Variants in ST8SIA4 observed in about 807,000 individuals in gnomAD.
The protein encoded by ST8SIA4 is CMP-N-acetylneuraminate-poly-alpha-2,8-sialyltransferase.
A neutral mutation model predicts 33.9 loss-of-function variants in ST8SIA4; 15 were observed. The ratio of observed to expected loss-of-function variants is 0.44; its 90% CI spans 0.30 to 0.68. The LOEUF (loss-of-function observed/expected upper bound fraction) is 0.68, where lower values mean the gene tolerates loss of function less well. ST8SIA4 is among the 30% of genes least tolerant of loss of function. The probability of loss-of-function intolerance (pLI) is 0.10; values close to 1 mark genes in which losing one functional copy is unlikely to be tolerated. For synonymous variants in ST8SIA4, 171 were observed against 151.2 expected, an observed-to-expected ratio of 1.13 and a Z score of -0.96; for missense variants, 321 against 428.0, an observed-to-expected ratio of 0.75 and a Z score of 2.21.
intron 3 of ST8SIA4, among the ~76,000 whole-genome samples, chr5:100,866,143 C>T (rs1752055527): frequency 6.6e-6 from 1 of 152,048 alleles, no homozygotes; most frequent in South Asian, 2.1e-4. Context: ...GTCTTGTATT[C>T]ATTGACACAA....
chr5:100,818,270 T>C (rs1348148986), intron 4 of ST8SIA4, among the ~76,000 whole-genome samples: 1 of 152,164 alleles, frequency 6.6e-6, no homozygotes, highest in East Asian at 1.9e-4. Flanking sequence ...ATGGAGTTAA[T>C]AGGTGGAAAA....
At chr5:100,832,841 A>G (rs1265880898) in intron 4 of ST8SIA4, among the ~76,000 whole-genome samples, 1 of 151,944 alleles carries the variant, frequency 6.6e-6, no homozygotes, top group Non-Finnish European at 1.5e-5. Flanking sequence ...CTTTCCCTCT[A>G]TGTGTCAAGT....
intron 3 of ST8SIA4, among the ~76,000 whole-genome samples, chr5:100,864,438 G>A (rs1181771305): frequency 1.3e-5 from 2 of 151,888 alleles, no homozygotes; most frequent in Admixed American, 6.6e-5. Flanking sequence ...AGCTGGGCAT[G>A]GTGGCGGGCG....
chr5:100,886,293 TA>T (rs1357018898), intron 3 of ST8SIA4, 49 bp downstream of exon 3: 1 of 1,581,918 alleles, frequency 6.3e-7, no homozygotes, highest in Admixed American at 1.8e-5. Context: ...CACCCCCAAG[TA>T]AAATATCTTT....
intron 4 of ST8SIA4, among the ~76,000 whole-genome samples, chr5:100,821,680 A>C (rs1394285843): frequency 1.3e-5 from 2 of 152,232 alleles, no homozygotes. Context: ...AAGTACACTA[A>C]CTAAACATCA....
At chr5:100,857,033 G>A (rs768835851) in intron 3 of ST8SIA4, among the ~76,000 whole-genome samples, 1 of 152,074 alleles carries the variant, frequency 6.6e-6, no homozygotes, top group Non-Finnish European at 1.5e-5. Context: ...AAGTAATATA[G>A]AAAAGCTCTT....
At chr5:100,823,219 C>T (rs1183274733) in intron 4 of ST8SIA4, among the ~76,000 whole-genome samples, 1 of 152,198 alleles carries the variant, frequency 6.6e-6, no homozygotes, top group East Asian at 1.9e-4. Context: ...ATTCTCACTG[C>T]TACACTCCCA....
intron 4 of ST8SIA4, among the ~76,000 whole-genome samples, chr5:100,820,832 A>C (rs1294758919): frequency 6.6e-6 from 1 of 152,164 alleles, no homozygotes; most frequent in Non-Finnish European, 1.5e-5. Flanking sequence ...ATTTAGTAAA[A>C]TATCTTTTGG....
At chr5:100,902,722 T>C (rs1345741577) in intron 1 of ST8SIA4, 121 bp downstream of exon 1, 1 of 855,856 alleles carries the variant, frequency 1.2e-6, no homozygotes, top group Non-Finnish European at 1.9e-6. Flanking sequence ...TTCATGACAC[T>C]AACCACGCGC....
At chr5:100,887,637 G>C (rs983390847) in intron 2 of ST8SIA4, among the ~76,000 whole-genome samples, 1 of 151,932 alleles carries the variant, frequency 6.6e-6, no homozygotes, top group South Asian at 2.1e-4. Flanking sequence ...TATATAGCTG[G>C]CTGGAAAACT....
intron 1 of ST8SIA4, among the ~76,000 whole-genome samples, chr5:100,898,274 C>T (rs561557332): frequency 6.6e-6 from 1 of 152,224 alleles, no homozygotes; most frequent in East Asian, 1.9e-4. Context: ...GCCTGGGTAA[C>T]ATCACAAGTC....
In ST8SIA4 at chr5:100,902,830, G is replaced by C; in HGVS notation, c.113+13C>G. The stretch of plus-strand genomic sequence containing the variant: ...ACTTTTTGTCATATCCTGAAATGAA[G>C]CTTTGCATTTACCCGATGAGTTGCG... On this transcript the variant is annotated intron_variant, in intron 1 of 4. Transcript: ENST00000231461. 6.3e-7 allele frequency: 1 copy of C among 1,598,366 alleles called. No individual in the cohort carries two copies. The highest frequency in any genetic ancestry group is 1.1e-5 in the South Asian group (1 of 90,750).
intron 3 of ST8SIA4, among the ~76,000 whole-genome samples, chr5:100,867,531 T>C (rs1245601864): frequency 3.3e-5 from 5 of 152,020 alleles, no homozygotes; most frequent in Non-Finnish European, 1.5e-5. Flanking sequence ...ACTATAATTG[T>C]TCCCTTTGCA....
At chr5:100,897,023 C>A (rs1752793065) in intron 1 of ST8SIA4, among the ~76,000 whole-genome samples, 1 of 152,058 alleles carries the variant, frequency 6.6e-6, no homozygotes, top group Non-Finnish European at 1.5e-5. Flanking sequence ...ATGTAATATA[C>A]AATGGCTTTG....
At position 100,810,372 on chromosome 5, in the gene ST8SIA4, A is replaced by G. The variant is rs1561380579; in HGVS notation, c.*1475T>C. The G allele has an allele frequency of 6.6e-6, 1 of 152,194 alleles. No homozygotes were observed. The highest frequency in any genetic ancestry group is 2.4e-5 in the African/African-American group (1 of 41,444). The allele number at this position is 152,194 out of a possible 1,614,324, so 9.4% of individuals were successfully genotyped here. A position where few individuals can be genotyped will look rare whatever the true frequency, so the allele number is the denominator to read the frequency against. On this transcript the variant is annotated 3_prime_UTR_variant, in exon 5 of 5. Transcript: ENST00000231461. ...ATTAATCATCTCTGTTTTGAAAACAATACTCTATTAATAATGTTATTTCTG... is the reference window on the plus strand; with the variant it reads ...ATTAATCATCTCTGTTTTGAAAACAGTACTCTATTAATAATGTTATTTCTG...
intron 4 of ST8SIA4, among the ~76,000 whole-genome samples, chr5:100,830,859 A>G (rs1354419322): frequency 1.3e-5 from 2 of 152,234 alleles, no homozygotes; most frequent in African/African-American, 2.4e-5. Flanking sequence ...TTTCTACAGG[A>G]GATTCAGTAA....
At chr5:100,888,151 C>A (rs1378174204) in intron 2 of ST8SIA4, among the ~76,000 whole-genome samples, 1 of 150,870 alleles carries the variant, frequency 6.6e-6, no homozygotes, top group Non-Finnish European at 1.5e-5. Context: ...GTTATTTACA[C>A]CTGGAACTAA....
intron 3 of ST8SIA4, among the ~76,000 whole-genome samples, chr5:100,865,941 C>T (rs1752052137): frequency 6.6e-6 from 1 of 152,044 alleles, no homozygotes; most frequent in African/African-American, 2.4e-5. Flanking sequence ...TATGAGAATT[C>T]TGTTTGATGA....
At chr5:100,834,889 A>C (rs1751337695) in intron 4 of ST8SIA4, among the ~76,000 whole-genome samples, 1 of 152,154 alleles carries the variant, frequency 6.6e-6, no homozygotes, top group South Asian at 2.1e-4. Context: ...CAGAACCATG[A>C]ACCAATTAAA....
Sources: gnomAD v4.1 joint callset for allele counts (sites outside exome capture counted in the v4.1 genomes callset) on GRCh38, gnomAD v4.1.1 for gene constraint, MANE v1.5 for transcripts, NCBI Gene and HGNC (gene_info 2026-07-23, HGNC 2026-07-21) for gene names.